Variants in MROH2B observed in about 807,000 individuals in gnomAD.
MROH2B encodes maestro heat-like repeat-containing protein family member 2B.
MROH2B carries 177 observed loss-of-function variants against 208.6 expected under a neutral mutation model. The ratio of observed to expected loss-of-function variants is 0.85; its 90% CI spans 0.75 to 0.96. The LOEUF is 0.96. Among genes scored for constraint, MROH2B ranks in the 40% least tolerant of loss-of-function variants. MROH2B has a pLI of 0.00. For synonymous variants in MROH2B, 728 were observed against 659.0 expected, an observed-to-expected ratio of 1.10 and a Z score of -1.60; for missense variants, 2,002 against 1,878.7, an observed-to-expected ratio of 1.07 and a Z score of -1.21.
intron 29 of MROH2B, among the ~76,000 whole-genome samples, chr5:41,014,403 C>G (rs1003411764): frequency 6.6e-6 from 1 of 152,028 alleles, no homozygotes; most frequent in Non-Finnish European, 1.5e-5. Context: ...CACATGGACA[C>G]AGGAAGGGGA....
At chr5:41,015,308 G>T (rs983037303) in intron 29 of MROH2B, 73 bp downstream of exon 29, 2 of 1,286,642 alleles carry the variant, frequency 1.6e-6, no homozygotes, top group Non-Finnish European at 2.2e-6. Flanking sequence ...CTTTGCAGTG[G>T]GGAGTATGTA....
At chr5:41,027,862 C>T (rs367743949) in intron 24 of MROH2B, among the ~76,000 whole-genome samples, 2 of 152,146 alleles carry the variant, frequency 1.3e-5, no homozygotes, top group African/African-American at 4.8e-5. Context: ...GCAGCCATAA[C>T]AAATGATGAG....
Position 41,067,113 on chromosome 5 carries a change from T to A in MROH2B, c.196A>T (p.Asn66Tyr). The A allele has an allele frequency of 6.5e-7, 1 of 1,544,576 alleles. No homozygotes were observed. The highest frequency in any genetic ancestry group is 2.4e-5 in the East Asian group (1 of 41,370). Residue 66 changes from asparagine (N) to tyrosine (Y), a missense_variant, in exon 3 of 42, where the codon AAC becomes TAC. By Grantham distance (143) the Asn-to-Tyr change is moderately radical. Transcript: ENST00000399564. Reference protein sequence around the residue: ...IYYASKDMRDNNMLREIRMLA... With the variant: ...IYYASKDMRDYNMLREIRMLA... ...CCATCATGAACCAAACTTACATTGT[T>A]GTCTCTCATATCCTTAGAAGCATAA...
chr5:40,999,789 A>G lies in MROH2B; in HGVS notation c.4483-10T>C. 6.2e-7 allele frequency: 1 copy of G among 1,610,000 alleles called. No homozygotes were observed. The highest frequency in any genetic ancestry group is 1.1e-5 in the South Asian group (1 of 90,568). On this transcript the variant is annotated splice_polypyrimidine_tract_variant and intron_variant, in intron 39 of 41. Transcript: ENST00000399564. ...CCTGGTTTTTCTTGGCCTAGAAGAG[A>G]TGTGAATTTCAAAGAGGGCAACTGG...
chr5:41,065,388 A>T lies in MROH2B; in HGVS notation c.304T>A (p.Leu102Ile), dbSNP rs557750088. 2.6e-5 allele frequency: 42 copies of T among 1,613,550 alleles called. 1 individual carries two copies. The South Asian group carries it at 4.2e-4, about 16-fold the overall frequency. ...MYEVQSNFRI[L>I]ELPDEFVVLA... is the part of the protein sequence containing the mutation. ...ACAACGAATTCATCTGGTAGCTCTA[A>T]GATCCTGAAGTTACTTTGTACTTCA... Residue 102 changes from leucine to isoleucine, a missense_variant, in exon 4 of 42, where the codon TTA becomes ATA. Physicochemically the swap from Leu to Ile is conservative, Grantham distance 5. Transcript: ENST00000399564.
chr5:41,005,285 T>A, intron 35 of MROH2B: 1 of 540,434 alleles, frequency 1.9e-6, no homozygotes, highest in South Asian at 2.9e-5. Context: ...CCCTCACAGA[T>A]TTATTGTCCC....
At chr5:41,021,251 A>C (rs914223195) in intron 24 of MROH2B, among the ~76,000 whole-genome samples, 8 of 152,250 alleles carry the variant, frequency 5.3e-5, no homozygotes, top group African/African-American at 1.9e-4. Context: ...CAAGTGAAAC[A>C]CAGAAACACA....
intron 24 of MROH2B, among the ~76,000 whole-genome samples, chr5:41,025,470 C>T (rs143879506): frequency 6.6e-6 from 1 of 152,052 alleles, no homozygotes; most frequent in Admixed American, 6.6e-5. Context: ...ACACAACCTC[C>T]CAAGACAAAA....
chr5:41,067,522 A>G (rs1743849197), intron 2 of MROH2B, among the ~76,000 whole-genome samples: 1 of 152,012 alleles, frequency 6.6e-6, no homozygotes, highest in African/African-American at 2.4e-5. Flanking sequence ...GTGTGCCACC[A>G]TGCCCGAATA....
intron 5 of MROH2B, among the ~76,000 whole-genome samples, chr5:41,064,158 G>C (rs1329268932): frequency 6.6e-6 from 1 of 152,042 alleles, no homozygotes; most frequent in Non-Finnish European, 1.5e-5. Context: ...TGTTCCCACA[G>C]ACCTGGGTTT....
chr5:41,002,612 C>T (rs1288504058), intron 37 of MROH2B, among the ~76,000 whole-genome samples: 1 of 152,156 alleles, frequency 6.6e-6, no homozygotes, highest in Non-Finnish European at 1.5e-5. Flanking sequence ...TACTGGAGAA[C>T]AAATAAGAGT....
chr5:41,060,838 C>A (rs970380188), intron 6 of MROH2B, among the ~76,000 whole-genome samples: 3 of 152,086 alleles, frequency 2.0e-5, no homozygotes, highest in Admixed American at 6.5e-5. Context: ...ATTTAACTAC[C>A]TCAGGATGTT....
chr5:41,002,238 T>C (rs947162706), intron 37 of MROH2B, among the ~76,000 whole-genome samples: 1 of 152,154 alleles, frequency 6.6e-6, no homozygotes, highest in Non-Finnish European at 1.5e-5. Flanking sequence ...ATCGAGATGA[T>C]GAAAAATCAG....
At chr5:41,020,882 G>C (rs879726539) in intron 24 of MROH2B, among the ~76,000 whole-genome samples, 1 of 152,128 alleles carries the variant, frequency 6.6e-6, no homozygotes, top group African/African-American at 2.4e-5. Context: ...GTAAGATCAA[G>C]AGTAAGACAA....
Position 41,047,726 on chromosome 5 carries a change from G to A in MROH2B, c.1723C>T (p.Leu575Phe). The change falls in exon 17 of 42, where the codon CTT becomes TTT. Residue 575 changes from leucine to phenylalanine, a missense_variant. Leu to Phe is a conservative substitution (Grantham distance 22, BLOSUM62 0). Coordinates refer to ENST00000399564, the MANE Select transcript of MROH2B (RefSeq NM_173489.5). ...ISTVLWETMLLQLLKESLWKI... is the reference protein window; with the variant it reads ...ISTVLWETMLFQLLKESLWKI... ...ATTCTAGAAGCCAGCCTTACCTGAA[G>A]CAGCATGGTTTCCCATAGAACGGTA... 6.3e-7 allele frequency: 1 copy of A among 1,595,294 alleles called. No homozygotes were observed. The highest frequency in any genetic ancestry group is 1.3e-5 in the African/African-American group (1 of 74,690).
chr5:41,068,749 G>A (rs754521397), intron 2 of MROH2B, among the ~76,000 whole-genome samples: 6 of 152,162 alleles, frequency 3.9e-5, no homozygotes, highest in Non-Finnish European at 8.8e-5. Flanking sequence ...TTGAGAAATA[G>A]TGTTCTTTCG....
At chr5:41,058,757 G>C (rs1029199671) in intron 6 of MROH2B, among the ~76,000 whole-genome samples, 1 of 151,974 alleles carries the variant, frequency 6.6e-6, no homozygotes, top group Non-Finnish European at 1.5e-5. Context: ...TCATCTTAAA[G>C]AACCTTCAAG....
In MROH2B at chr5:41,017,888, G is replaced by A. The variant is rs199545321; in HGVS notation, c.2846C>T (p.Ala949Val). Residue 949 changes from alanine (A) to valine (V), a missense_variant, in exon 28 of 42, where the codon GCG (alanine) becomes GTG (valine). Coordinates refer to ENST00000399564, the MANE Select transcript of MROH2B (RefSeq NM_173489.5). ...SCDTLPTIRQ[A>V]AASSTIGLFY... Reference sequence around the variant, plus strand: ...CAGACCAATAGTTGAGCTAGCAGCCGCCTGACGGATGGTGGGCAGGGTATC... The same window carrying A: ...CAGACCAATAGTTGAGCTAGCAGCCACCTGACGGATGGTGGGCAGGGTATC... 197 of 1,592,708 alleles carry A rather than the reference G, an allele frequency of 1.2e-4. 1 individual carries two copies. Among genetic ancestry groups the A allele is most frequent in the Middle Eastern group, 1.8e-4 (1 of 5,454 alleles).
At position 41,042,197 on chromosome 5, in the gene MROH2B, C is replaced by A; in HGVS notation, c.1848G>T (p.Trp616Cys). The A allele has an allele frequency of 1.3e-6, 2 of 1,564,936 alleles. No homozygotes were observed. The highest frequency in any genetic ancestry group is 2.3e-5 in the East Asian group (1 of 43,464). The part of the protein sequence containing the change: ...SNNSTEKKFL[W>C]KALGTTLACC... The stretch of plus-strand genomic sequence containing the variant: ...ATGCTAAGGTGGTTCCCAAGGCTTT[C>A]CAAAGGAATTTCTGGAAAACAAAAG... The change falls in exon 19 of 42, where the codon TGG becomes TGT. Residue 616 changes from tryptophan to cysteine, a missense_variant. By Grantham distance (215) the Trp-to-Cys change is radical. Coordinates refer to ENST00000399564, the MANE Select transcript of MROH2B (RefSeq NM_173489.5).
Sources: gnomAD v4.1 joint callset for allele counts (sites outside exome capture counted in the v4.1 genomes callset) on GRCh38, gnomAD v4.1.1 for gene constraint, MANE v1.5 for transcripts, NCBI Gene and HGNC (gene_info 2026-07-23, HGNC 2026-07-21) for gene names.